Variants in WAC observed in about 807,000 individuals in gnomAD.
WAC encodes WW domain-containing adapter protein with coiled-coil.
A neutral mutation model predicts 79.6 loss-of-function variants in WAC; 11 were observed. The ratio of observed to expected loss-of-function variants is 0.14; its 90% CI spans 0.09 to 0.23. The LOEUF is 0.23. WAC is among the 10% of genes least tolerant of loss of function. The probability of loss-of-function intolerance (pLI) is 1.00; values close to 1 mark genes in which losing one functional copy is unlikely to be tolerated. For synonymous variants in WAC, 304 were observed against 276.9 expected (o/e 1.10, Z -0.97); for missense variants, 728 against 773.5 (o/e 0.94, Z 0.70).
Position 28,619,523 on chromosome 10 carries a change from C to CTTT in WAC, c.1875-6_1875-4dup. 2.2e-6 allele frequency: 3 copies of CTTT among 1,336,146 alleles called. No individual in the cohort carries two copies. The highest frequency in any genetic ancestry group is 1.4e-5 in the South Asian group (1 of 69,212). The allele number at this position is 1,336,146 out of a possible 1,614,324, so 82.8% of individuals were successfully genotyped here. A position where few individuals can be genotyped will look rare whatever the true frequency, so the allele number is the denominator to read the frequency against. ...ATATGTACACAGGTTCTAATGTCTGCTTTTTTTTTTCAGGATACTATTTTT... is the reference window on the plus strand; with the variant it reads ...ATATGTACACAGGTTCTAATGTCTGCTTTTTTTTTTTTTCAGGATACTATTTTT... On this transcript the variant is annotated splice_polypyrimidine_tract_variant and intron_variant, in intron 13 of 13. Transcript: ENST00000354911.
chr10:28,617,806 A>G (rs2132872856), intron 13 of WAC, 22 bp downstream of exon 13: 1 of 1,562,022 alleles, frequency 6.4e-7, no homozygotes, highest in Admixed American at 2.2e-5. Context: ...ACTGAAATAT[A>G]TTTTTATGTT....
At chr10:28,548,068 G>A (rs531410032) in intron 3 of WAC, among the ~76,000 whole-genome samples, 10 of 151,604 alleles carry the variant, frequency 6.6e-5, no homozygotes, top group East Asian at 5.8e-4. Context: ...TTACAGGTGC[G>A]TGCCACCATG....
chr10:28,565,711 A>G (rs332133), intron 3 of WAC, among the ~76,000 whole-genome samples: 87,641 of 152,052 alleles, frequency 0.58, 25,816 homozygotes, highest in East Asian at 0.68. Flanking sequence ...GCTAGATGCT[A>G]ATTTTTAAAT....
In WAC at chr10:28,611,194, T is replaced by C. The variant is rs985694023; in HGVS notation, c.1288+373T>C. On this transcript the variant is annotated intron_variant, in intron 9 of 13. Transcript: ENST00000354911. ...TTGAAGAGTTGAAGTTTGGTTCAGATTGACGTTAGATGTTTTTTGACTGGA... is the reference window on the plus strand; with the variant it reads ...TTGAAGAGTTGAAGTTTGGTTCAGACTGACGTTAGATGTTTTTTGACTGGA... 2.6e-6 allele frequency: 3 copies of C among 1,136,638 alleles called. No individual in the cohort carries two copies. The African/African-American group carries it at 4.8e-5, about 18-fold the overall frequency. 70.4% of individuals were successfully genotyped at this position (1,136,638 alleles called of 1,614,324 possible). A position where few individuals can be genotyped will look rare whatever the true frequency, so the allele number is the denominator to read the frequency against.
At chr10:28,597,083 A>T (rs990237631) in intron 7 of WAC, among the ~76,000 whole-genome samples, 1 of 152,140 alleles carries the variant, frequency 6.6e-6, no homozygotes, top group Non-Finnish European at 1.5e-5. Context: ...ATACATGCAT[A>T]TGTATTATAC....
At chr10:28,595,068 TC>T (rs1840286032) in intron 6 of WAC, among the ~76,000 whole-genome samples, 3 of 152,220 alleles carry the variant, frequency 2.0e-5, no homozygotes, top group African/African-American at 4.8e-5. Context: ...GTGTTGGACT[TC>T]TATTTTCAGA....
intron 1 of WAC, 186 bp downstream of exon 1, chr10:28,533,806 C>G (rs534404120): frequency 5.0e-6 from 5 of 990,542 alleles, no homozygotes; most frequent in Non-Finnish European, 7.3e-6. Context: ...AGCGGGGGCC[C>G]GGCTTCGCGG....
chr10:28,550,010 CAA>C (rs1449973063), intron 3 of WAC, among the ~76,000 whole-genome samples: 4 of 151,994 alleles, frequency 2.6e-5, no homozygotes, highest in African/African-American at 4.8e-5. Context: ...ACTAAAAATA[CAA>C]AAAGTTAGCT....
Position 28,533,513 on chromosome 10 carries a change from G to C in WAC, c.-67G>C. 1 of 1,114,770 alleles carries C rather than the reference G, an allele frequency of 9.0e-7. No individual in the cohort carries two copies. Among genetic ancestry groups the C allele is most frequent in the Non-Finnish European group, 1.1e-6 (1 of 887,640 alleles). The allele number at this position is 1,114,770 out of a possible 1,614,324, so 69.1% of individuals were successfully genotyped here. On this transcript the variant is annotated 5_prime_UTR_variant, in exon 1 of 14. Coordinates refer to ENST00000354911, the MANE Select transcript of WAC (RefSeq NM_016628.5). ...CCGCCGCCCGCCGCCGCCGCCGCCT[G>C]CGCGCCCGCCCGCCTTTCGCGGCCG... is the stretch of plus-strand genomic sequence containing the variant.
rs1377580595 is a variant in WAC, at chr10:28,622,878, T to C, written c.*3272T>C. 1.3e-5 allele frequency: 2 copies of C among 152,202 alleles called. No individual in the cohort carries two copies. The highest frequency in any genetic ancestry group is 2.9e-5 in the Non-Finnish European group (2 of 68,020). The allele number at this position is 152,202 out of a possible 1,614,324, so 9.4% of individuals were successfully genotyped here. A position where few individuals can be genotyped will look rare whatever the true frequency, so the allele number is the denominator to read the frequency against. On this transcript the variant is annotated 3_prime_UTR_variant, in exon 14 of 14. Coordinates refer to ENST00000354911, the MANE Select transcript of WAC (RefSeq NM_016628.5). ...CACCGGAACTATTGTAGTTCAGGAC[T>C]TCCAGCTACTGTATTTAGATGTTGG...
At chr10:28,608,502 A>T (rs1320176484) in intron 8 of WAC, 71 bp downstream of exon 8, 1 of 1,399,584 alleles carries the variant, frequency 7.1e-7, no homozygotes, top group Non-Finnish European at 9.6e-7. Flanking sequence ...TAAAATCCCC[A>T]GTTTAGGAAT....
intron 12 of WAC, among the ~76,000 whole-genome samples, chr10:28,617,105 C>G (rs565649520): frequency 1.3e-5 from 2 of 152,222 alleles, no homozygotes; most frequent in East Asian, 3.9e-4. Flanking sequence ...AAAAACCCCA[C>G]TTAATTTTCT....
At chr10:28,569,124 T>C (rs548737951) in intron 3 of WAC, among the ~76,000 whole-genome samples, 2 of 152,342 alleles carry the variant, frequency 1.3e-5, no homozygotes, top group Admixed American at 6.5e-5. Flanking sequence ...TTGGTTACAA[T>C]ATGTACATAT....
At chr10:28,547,572 T>G (rs995096142) in intron 3 of WAC, among the ~76,000 whole-genome samples, 4 of 152,072 alleles carry the variant, frequency 2.6e-5, no homozygotes, top group African/African-American at 9.7e-5. Context: ...TTTTTGTGAA[T>G]CGTAATCTAA....
chr10:28,534,074 G>A (rs373001242), intron 2 of WAC, 40 bp downstream of exon 2: 127 of 1,548,576 alleles, frequency 8.2e-5, no homozygotes, highest in Non-Finnish European at 1.1e-4. Context: ...GGAAGGGGCC[G>A]GAGGGGGAAG....
chr10:28,541,415 G>GTGTTTTTTTTTT (rs1212601285), intron 3 of WAC, among the ~76,000 whole-genome samples: 5 of 37,902 alleles, frequency 1.3e-4, no homozygotes, highest in Non-Finnish European at 2.1e-4. Flanking sequence ...GTGTGTGTGT[G>GTGTTTTTTTTTT]TTTTGTTTTT....
intron 3 of WAC, among the ~76,000 whole-genome samples, chr10:28,542,160 T>C (rs1837088825): frequency 6.6e-6 from 1 of 152,226 alleles, no homozygotes; most frequent in African/African-American, 2.4e-5. Context: ...ATGTTTCTCC[T>C]ACTGTGCTCA....
chr10:28,541,201 A>G (rs898260379), intron 3 of WAC, among the ~76,000 whole-genome samples: 1 of 152,006 alleles, frequency 6.6e-6, no homozygotes, highest in Non-Finnish European at 1.5e-5. Flanking sequence ...TTCACAGAAA[A>G]TTTATATATT....
At chr10:28,550,412 C>T (rs1320269681) in intron 3 of WAC, among the ~76,000 whole-genome samples, 1 of 151,670 alleles carries the variant, frequency 6.6e-6, no homozygotes, top group African/African-American at 2.4e-5. Context: ...CTTCAAGGTC[C>T]CACTTTATTT....
Sources: allele counts gnomAD v4.1 joint callset (sites outside exome capture counted in the v4.1 genomes callset), GRCh38; gene constraint gnomAD v4.1.1; transcripts MANE v1.5; gene names NCBI Gene and HGNC (gene_info 2026-07-23, HGNC 2026-07-21).